Variants in ASCC3 observed in about 807,000 individuals in gnomAD.
ASCC3 encodes activating signal cointegrator 1 complex subunit 3, also known as ASC-1 complex subunit P200.
Under a neutral mutation model 256.3 loss-of-function variants are expected in ASCC3, and 158 were observed. The ratio of observed to expected loss-of-function variants is 0.62; its 90% CI spans 0.54 to 0.70. The LOEUF (loss-of-function observed/expected upper bound fraction) is 0.70. Ranked by LOEUF, ASCC3 falls within the 30% of genes least tolerant of loss-of-function variation. The pLI, the probability that ASCC3 is intolerant of heterozygous loss-of-function variation, is 0.00. For missense variants in ASCC3, 2,259 were observed against 2,626.0 expected (o/e 0.86, Z 3.05); for synonymous variants, 948 against 883.4 (o/e 1.07, Z -1.30).
chr6:100,669,288 A>G (rs944841392), intron 14 of ASCC3, among the ~76,000 whole-genome samples: 1 of 149,514 alleles, frequency 6.7e-6, no homozygotes, highest in African/African-American at 2.4e-5. Context: ...CTATAAAAAT[A>G]TATTTTATAA....
At chr6:100,735,291 C>T (rs1290070768) in intron 10 of ASCC3, among the ~76,000 whole-genome samples, 1 of 152,032 alleles carries the variant, frequency 6.6e-6, no homozygotes, top group East Asian at 1.9e-4. Flanking sequence ...AAATCACTTG[C>T]CAAAATGATT....
rs564871858 is a variant in ASCC3, at chr6:100,625,332, T to C, written c.4645A>G (p.Ile1549Val). 4 of 1,612,372 alleles carry C rather than the reference T, an allele frequency of 2.5e-6. No individual in the cohort carries two copies. Among genetic ancestry groups the C allele is most frequent in the African/African-American group, 1.3e-5 (1 of 74,930 alleles). ...GGTTTGGCTGGAGAATGGCTTCTAA[T>C]TGCTGTTGAAAAGTTGTGGGAAATA... ...ASMNKPAFQA[I>V]RSHSPAKPVL... The change falls in exon 30 of 42, where the codon ATT becomes GTT. Residue 1549 changes from isoleucine (I) to valine (V), a missense_variant and splice_region_variant. By Grantham distance (29) the Ile-to-Val change is conservative. This residue lies in a region of ASCC3 where 1,839 missense variants were observed against 2,206.7 expected (regional missense o/e 0.83). Coordinates refer to ENST00000369162, the MANE Select transcript of ASCC3 (RefSeq NM_006828.4).
At chr6:100,577,979 T>G (rs1770966494) in intron 36 of ASCC3, among the ~76,000 whole-genome samples, 1 of 152,004 alleles carries the variant, frequency 6.6e-6, no homozygotes. Flanking sequence ...TGCAATATAT[T>G]CTTAAAATAT....
At chr6:100,668,910 A>G (rs976313211) in intron 14 of ASCC3, among the ~76,000 whole-genome samples, 13 of 151,928 alleles carry the variant, frequency 8.6e-5, no homozygotes, top group African/African-American at 2.9e-4. Flanking sequence ...CATACAGAGT[A>G]TACTAATTAA....
intron 34 of ASCC3, among the ~76,000 whole-genome samples, chr6:100,597,134 A>G (rs375675521): frequency 8.5e-5 from 13 of 152,138 alleles, no homozygotes; most frequent in Middle Eastern, 3.4e-3. Flanking sequence ...TTTCTTTTTA[A>G]TACAGTATTG....
intron 29 of ASCC3, among the ~76,000 whole-genome samples, chr6:100,625,897 C>T (rs1774208381): frequency 6.6e-6 from 1 of 151,398 alleles, no homozygotes; most frequent in South Asian, 2.1e-4. Flanking sequence ...GAAAGTTTTC[C>T]CTCCATTTTT....
intron 36 of ASCC3, among the ~76,000 whole-genome samples, chr6:100,561,605 CTT>C (rs2114705806): frequency 6.6e-6 from 1 of 152,096 alleles, no homozygotes; most frequent in East Asian, 1.9e-4. Flanking sequence ...TTAATTGATT[CTT>C]TCTCTCTCAT....
At chr6:100,602,556 G>C (rs1282142613) in intron 33 of ASCC3, among the ~76,000 whole-genome samples, 2 of 152,044 alleles carry the variant, frequency 1.3e-5, no homozygotes, top group Non-Finnish European at 2.9e-5. Flanking sequence ...GAGGAAGGAA[G>C]AGCACAGGTA....
chr6:100,683,538 T>G (rs1777408628), intron 13 of ASCC3, among the ~76,000 whole-genome samples: 1 of 152,118 alleles, frequency 6.6e-6, no homozygotes, highest in Admixed American at 6.5e-5. Context: ...ACACACCTGA[T>G]TTTATGGTTT....
intron 30 of ASCC3, among the ~76,000 whole-genome samples, chr6:100,624,237 A>G (rs1021872085): frequency 1.3e-5 from 2 of 151,806 alleles, no homozygotes; most frequent in African/African-American, 4.8e-5. Context: ...AAGAAAAGTA[A>G]TCTATAAAAT....
chr6:100,729,611 CTCA>C (rs1482317221), intron 10 of ASCC3, among the ~76,000 whole-genome samples: 2 of 152,096 alleles, frequency 1.3e-5, no homozygotes, highest in Non-Finnish European at 1.5e-5. Flanking sequence ...GTATGTTTAA[CTCA>C]TCTTGTTATA....
intron 10 of ASCC3, among the ~76,000 whole-genome samples, chr6:100,760,668 C>T (rs1279556709): frequency 1.3e-5 from 2 of 152,126 alleles, no homozygotes; most frequent in Admixed American, 1.3e-4. Context: ...TCAGAACTGA[C>T]AAGCATAATA....
intron 36 of ASCC3, among the ~76,000 whole-genome samples, chr6:100,582,723 T>G: frequency 6.6e-6 from 1 of 151,962 alleles, no homozygotes; most frequent in Non-Finnish European, 1.5e-5. Context: ...GGCTGTGGGT[T>G]TGTCATAGAT....
In ASCC3 at chr6:100,627,715, A is replaced by G; in HGVS notation, c.4522-5T>C. ...TCGGAAGTTAAACAAGCCCATCTAG[A>G]GTAAATATGAGAGAGAAACCATTTT... On this transcript the variant is annotated splice_polypyrimidine_tract_variant and splice_region_variant and intron_variant, in intron 28 of 41. Transcript: ENST00000369162. The G allele has an allele frequency of 6.2e-7, 1 of 1,613,442 alleles. No homozygotes were observed. Among genetic ancestry groups the G allele is most frequent in the Non-Finnish European group, 8.5e-7 (1 of 1,179,648 alleles).
At chr6:100,739,719 C>T (rs377421581) in intron 10 of ASCC3, among the ~76,000 whole-genome samples, 53 of 152,090 alleles carry the variant, frequency 3.5e-4, no homozygotes, top group East Asian at 1.7e-3. Flanking sequence ...CTAGTTTATG[C>T]GCATAGAGGT....
intron 36 of ASCC3, among the ~76,000 whole-genome samples, chr6:100,565,690 G>C (rs1012999778): frequency 1.3e-5 from 2 of 152,090 alleles, no homozygotes; most frequent in African/African-American, 2.4e-5. Context: ...AGGACGAAGG[G>C]AACAAGGGAG....
chr6:100,607,935 G>T (rs1772987409), intron 30 of ASCC3, among the ~76,000 whole-genome samples: 1 of 147,004 alleles, frequency 6.8e-6, no homozygotes. Context: ...AAGTCGATGT[G>T]ATAGCCTTTT....
rs186468515 is a variant in ASCC3, at chr6:100,851,319, T to G, written c.242-2612A>C. ...AAATAGGTCACCTTAAGAAATCAAATAGTGGAAGAACAGCCTTATTATCTA... is the reference window on the plus strand; with the variant it reads ...AAATAGGTCACCTTAAGAAATCAAAGAGTGGAAGAACAGCCTTATTATCTA... On this transcript the variant is annotated intron_variant, in intron 3 of 41. Coordinates refer to ENST00000369162, the MANE Select transcript of ASCC3 (RefSeq NM_006828.4). Among the ~76,000 whole-genome samples the G allele has an allele frequency of 2.3e-3, 352 of 152,294 alleles. 1 individual carries two copies. Among genetic ancestry groups the G allele is most frequent in the African/African-American group, 8.0e-3 (333 of 41,576 alleles).
chr6:100,639,244 C>T (rs919511771), intron 24 of ASCC3, among the ~76,000 whole-genome samples: 3 of 152,168 alleles, frequency 2.0e-5, no homozygotes, highest in African/African-American at 7.2e-5. Context: ...CAAGCAAGAG[C>T]AGTTGAGTTA....
Sources: gnomAD v4.1 joint callset for allele counts (sites outside exome capture counted in the v4.1 genomes callset) on GRCh38, gnomAD v4.1.1 for gene constraint, gnomAD v4.1.1 regional missense constraint, MANE v1.5 for transcripts, NCBI Gene and HGNC (gene_info 2026-07-23, HGNC 2026-07-21) for gene names.